The following CLIP4 variants were observed in gnomAD, a reference collection of about 807,000 sequenced individuals.
The protein encoded by CLIP4 is CAP-Gly domain-containing linker protein 4.
A neutral mutation model predicts 73.1 loss-of-function variants in CLIP4; 47 were observed. The observed-to-expected ratio is 0.64, with a 90% CI of 0.51 to 0.82. The LOEUF (loss-of-function observed/expected upper bound fraction) is 0.82, where lower values mean the gene tolerates loss of function less well. CLIP4 is among the 40% of genes least tolerant of loss of function. The probability of loss-of-function intolerance (pLI) is 0.00; values close to 1 mark genes in which losing one functional copy is unlikely to be tolerated. For synonymous variants in CLIP4, 306 were observed against 295.4 expected, an observed-to-expected ratio of 1.04 and a Z score of -0.37; for missense variants, 874 against 852.9, an observed-to-expected ratio of 1.02 and a Z score of -0.31.
intron 1 of CLIP4, among the ~76,000 whole-genome samples, chr2:29,110,159 A>T (rs115786814): frequency 1.3e-5 from 2 of 152,328 alleles, no homozygotes; most frequent in East Asian, 3.9e-4. Context: ...TTTGCAAAAG[A>T]TATCCAGGTG....
chr2:29,110,357 G>A (rs1307489433), intron 1 of CLIP4, among the ~76,000 whole-genome samples: 2 of 152,196 alleles, frequency 1.3e-5, no homozygotes, highest in East Asian at 3.8e-4. Context: ...GTCTCCAGTG[G>A]CTACTGATTT....
chr2:29,104,209 T>C (rs1341133763), intron 1 of CLIP4, among the ~76,000 whole-genome samples: 1 of 152,220 alleles, frequency 6.6e-6, no homozygotes, highest in East Asian at 1.9e-4. Context: ...AAGAATTACT[T>C]AGTAAGTGCT....
At position 29,129,451 on chromosome 2, in the gene CLIP4, GTT is replaced by G. The variant is rs200993579; in HGVS notation, c.134-1805_134-1804del. On this transcript the variant is annotated intron_variant, in intron 2 of 15. Coordinates refer to ENST00000320081, the MANE Select transcript of CLIP4 (RefSeq NM_024692.6). ...ACATAGCTATAAGATCTCTGTGTCT[GTT>G]TGTGTATACAGACAGACACAGAGAT... Among the ~76,000 whole-genome samples the G allele has an allele frequency of 6.0e-3, 918 of 151,744 alleles. 6 individuals carry two copies. Among genetic ancestry groups the G allele is most frequent in the Middle Eastern group, 0.027 (8 of 294 alleles).
chr2:29,102,645 A>G (rs528428114), intron 1 of CLIP4, among the ~76,000 whole-genome samples: 2 of 148,274 alleles, frequency 1.3e-5, no homozygotes, highest in East Asian at 2.0e-4. Flanking sequence ...TTTTTTTTTG[A>G]GACAGAGTCT....
chr2:29,121,432 CT>C lies in CLIP4; in HGVS notation c.47del (p.Leu16CysfsTer59). 6.2e-7 allele frequency: 1 copy of C among 1,613,484 alleles called. No homozygotes were observed. ...DLPDFPLEGN[P>X]LFGRYPFIFS... ...CCAGATTTTCCATTAGAAGGAAATC[CT>C]TTGTTTGGAAGATACCCATTTATAT... On this transcript the variant is annotated frameshift_variant, in exon 2 of 16. Transcript: ENST00000320081. LOFTEE classifies it high-confidence loss of function.
chr2:29,148,364 G>C (rs892597128), intron 8 of CLIP4, among the ~76,000 whole-genome samples: 1 of 152,010 alleles, frequency 6.6e-6, no homozygotes, highest in African/African-American at 2.4e-5. Context: ...TCAATGCTAT[G>C]GTATATTTCA....
intron 15 of CLIP4, among the ~76,000 whole-genome samples, chr2:29,178,967 G>A (rs111406133): frequency 6.6e-6 from 1 of 152,100 alleles, no homozygotes; most frequent in Non-Finnish European, 1.5e-5. Flanking sequence ...TCTAAGTTTT[G>A]TATTTTTTGT....
At chr2:29,130,621 A>G in intron 2 of CLIP4, 5 of 1,100,394 alleles carry the variant, frequency 4.5e-6, no homozygotes, top group Non-Finnish European at 5.6e-6. Flanking sequence ...TTTTTGCCTA[A>G]CAGGACCATT....
intron 2 of CLIP4, among the ~76,000 whole-genome samples, chr2:29,126,101 A>T (rs538768530): frequency 1.3e-5 from 2 of 152,304 alleles, no homozygotes; most frequent in South Asian, 4.1e-4. Flanking sequence ...TGCTTGAACC[A>T]GGGAGGCAGA....
At chr2:29,105,812 G>T (rs930966060) in intron 1 of CLIP4, among the ~76,000 whole-genome samples, 3 of 152,176 alleles carry the variant, frequency 2.0e-5, no homozygotes, top group Non-Finnish European at 4.4e-5. Context: ...GGCTGTCTGT[G>T]AACCAGGCAG....
chr2:29,130,913 A>C (rs1394319543), intron 2 of CLIP4: 1 of 1,289,796 alleles, frequency 7.8e-7, no homozygotes, highest in Non-Finnish European at 1.0e-6. Flanking sequence ...AAGTAGAATA[A>C]TAGAGGAAAG....
chr2:29,109,943 A>G (rs1668341119), intron 1 of CLIP4, among the ~76,000 whole-genome samples: 1 of 152,126 alleles, frequency 6.6e-6, no homozygotes, highest in Non-Finnish European at 1.5e-5. Flanking sequence ...CAGTAATCCC[A>G]GCTACTCGGT....
intron 9 of CLIP4, among the ~76,000 whole-genome samples, chr2:29,154,118 A>G (rs1178528928): frequency 6.6e-6 from 1 of 152,160 alleles, no homozygotes; most frequent in African/African-American, 2.4e-5. Flanking sequence ...ATTTTTTTCT[A>G]CAGGTATTTT....
At chr2:29,142,584 C>T (rs1665849312) in intron 6 of CLIP4, among the ~76,000 whole-genome samples, 1 of 152,046 alleles carries the variant, frequency 6.6e-6, no homozygotes. Context: ...CCATTACCAT[C>T]CTAGACATCT....
chr2:29,175,610 T>C (rs927414970), intron 15 of CLIP4: 2 of 152,218 alleles, frequency 1.3e-5, no homozygotes, highest in African/African-American at 4.8e-5. Context: ...GGTATGGTTA[T>C]ACACAAGACG....
intron 6 of CLIP4, among the ~76,000 whole-genome samples, chr2:29,136,048 A>G (rs1665330577): frequency 6.6e-6 from 1 of 152,200 alleles, no homozygotes; most frequent in South Asian, 2.1e-4. Flanking sequence ...TCGGAAAGTT[A>G]TATACCCATT....
intron 1 of CLIP4, among the ~76,000 whole-genome samples, chr2:29,107,381 T>TTTG: frequency 2.3e-5 from 3 of 129,464 alleles, no homozygotes; most frequent in Admixed American, 7.7e-5. Context: ...TTTTTTTTTT[T>TTTG]TTTTTTTTGA....
rs1227956843 is a variant in CLIP4 at position 29,132,250 on chromosome 2, G to T, written c.367+5G>T. 1.2e-6 allele frequency: 2 copies of T among 1,607,568 alleles called. No individual in the cohort carries two copies. The highest frequency in any genetic ancestry group is 1.3e-5 in the African/African-American group (1 of 74,766). ...AATCTGGAGCTCATGGTATTGGTAA[G>T]TGTGTGGTAAATCTATCAGTTGCTT... On this transcript the variant is annotated splice_donor_5th_base_variant and intron_variant, in intron 4 of 15. Transcript: ENST00000320081.
intron 2 of CLIP4, among the ~76,000 whole-genome samples, chr2:29,123,549 A>G (rs1250018470): frequency 1.3e-5 from 2 of 152,220 alleles, no homozygotes; most frequent in Non-Finnish European, 2.9e-5. Context: ...GAATCAGAAG[A>G]GGCTGGCTGT....
Sources: gnomAD v4.1 joint callset for allele counts (sites outside exome capture counted in the v4.1 genomes callset) on GRCh38, gnomAD v4.1.1 for gene constraint, MANE v1.5 for transcripts, NCBI Gene and HGNC (gene_info 2026-07-23, HGNC 2026-07-21) for gene names.